The following SNIP1 variants were observed in gnomAD, a reference collection of about 807,000 sequenced individuals.
SNIP1 encodes smad nuclear-interacting protein 1.
SNIP1 carries 23 observed loss-of-function variants against 37.4 expected under a neutral mutation model. The ratio of observed to expected loss-of-function variants is 0.61; its 90% confidence interval spans 0.44 to 0.87. The LOEUF is 0.87. Among genes scored for constraint, SNIP1 ranks in the 40% least tolerant of loss-of-function variants. The pLI is 0.00. For synonymous variants in SNIP1, 174 were observed against 200.0 expected, an observed-to-expected ratio of 0.87 and a Z score of 1.10; for missense variants, 459 against 540.4, an observed-to-expected ratio of 0.85 and a Z score of 1.49.
rs527593385 is a variant in SNIP1 at position 37,546,395 on chromosome 1, C to T, written c.328-5640G>A. Among the ~76,000 whole-genome samples, 10 of 152,176 alleles carry T rather than the reference C, an allele frequency of 6.6e-5. No individual in the cohort carries two copies. The South Asian group carries it at 1.9e-3, about 28-fold the overall frequency. ...AGTCATTATAATAAGCCATAACGGCCGGGTGTGGTGGCTTATGTCTGTAAT... is the reference window on the plus strand; with the variant it reads ...AGTCATTATAATAAGCCATAACGGCTGGGTGTGGTGGCTTATGTCTGTAAT... On this transcript the variant is annotated intron_variant, in intron 2 of 3. Coordinates refer to ENST00000296215, the MANE Select transcript of SNIP1 (RefSeq NM_024700.4).
chr1:37,552,149 T>C (rs892073579), intron 2 of SNIP1, among the ~76,000 whole-genome samples: 18 of 152,228 alleles, frequency 1.2e-4, no homozygotes, highest in African/African-American at 4.3e-4. Context: ...TGATTCCATT[T>C]ACATAACATT....
chr1:37,538,047 TTCTGCC>T, intron 3 of SNIP1, 35 bp from the exon 4 acceptor site: 1 of 1,552,408 alleles, frequency 6.4e-7, no homozygotes, highest in South Asian at 1.3e-5. Flanking sequence ...GTGAGCAAAC[TTCTGCC>T]TCAGATCATC....
chr1:37,552,533 C>CAAGTAGAGATGTAGGT, intron 2 of SNIP1, 112 bp downstream of exon 2: 1 of 828,534 alleles, frequency 1.2e-6, no homozygotes, highest in Non-Finnish European at 2.0e-6. Context: ...GAGATGTAGG[C>CAAGTAGAGATGTAGGT]GAGCGTACGT....
chr1:37,552,732 C>T lies in SNIP1; in HGVS notation c.240G>A (p.Lys80=). ...ARGVSRSPPK[K]KNKASGRRSK... ...TTCTTCTCCCTGAGGCCTTGTTTTT[C>T]TTTTTGGGTGGGGACCTATTCAGAG... Residue 80 remains lysine, a synonymous_variant, in exon 2 of 4, where the codon AAG becomes AAA. Transcript: ENST00000296215. 1 of 1,614,140 alleles carries T rather than the reference C, an allele frequency of 6.2e-7. No homozygotes were observed. The highest frequency in any genetic ancestry group is 8.5e-7 in the Non-Finnish European group (1 of 1,179,986).
rs11374263 is a variant in SNIP1 at position 37,544,446 on chromosome 1, CAAAA to C, written c.328-3695_328-3692del. Among the ~76,000 whole-genome samples, 11 of 94,188 alleles carry C rather than the reference CAAAA, an allele frequency of 1.2e-4. No individual in the cohort carries two copies. The East Asian group carries it at 2.8e-3, about 24-fold the overall frequency. 61.8% of individuals were successfully genotyped at this position (94,188 alleles called of 152,430 possible). On this transcript the variant is annotated intron_variant, in intron 2 of 3. Coordinates refer to ENST00000296215, the MANE Select transcript of SNIP1 (RefSeq NM_024700.4). ...GGGTGGACAGAATGAGACTCTGTCT[CAAAA>C]AAAAAAAAAAAAAAAGAAAGAAAGA...
At chr1:37,542,632 C>A (rs1025860890) in intron 2 of SNIP1, among the ~76,000 whole-genome samples, 1 of 151,906 alleles carries the variant, frequency 6.6e-6, no homozygotes, top group African/African-American at 2.4e-5. Flanking sequence ...CCCAGCTACT[C>A]GGAAAGCTGA....
chr1:37,552,782 A>G lies in SNIP1; in HGVS notation c.225-35T>C, dbSNP rs778012320. The G allele has an allele frequency of 1.9e-6, 3 of 1,558,838 alleles. No homozygotes were observed. The African/African-American group carries it at 4.1e-5, about 21-fold the overall frequency. On this transcript the variant is annotated intron_variant, in intron 1 of 3. Coordinates refer to ENST00000296215, the MANE Select transcript of SNIP1 (RefSeq NM_024700.4). ...GCATGGTACACAGGATTTTATCGCAATTTCCCTTCCCCCATAAAAATTAGC... is the reference window on the plus strand; with the variant it reads ...GCATGGTACACAGGATTTTATCGCAGTTTCCCTTCCCCCATAAAAATTAGC...
Position 37,552,746 on chromosome 1 carries a change from AC to A in SNIP1, c.225del (p.Ser76ProfsTer32). On this transcript the variant is annotated frameshift_variant and splice_region_variant, in exon 2 of 4. Coordinates refer to ENST00000296215, the MANE Select transcript of SNIP1 (RefSeq NM_024700.4). LOFTEE classifies it high-confidence loss of function. ...HRGNRARGVSRSPPKKKNKAS... is the reference protein window; with the variant it reads ...HRGNRARGVSXSPPKKKNKAS... ...GCCTTGTTTTTCTTTTTGGGTGGGG[AC>A]CTATTCAGAGCATGGTACACAGGAT... 1 of 1,612,924 alleles carries A rather than the reference AC, an allele frequency of 6.2e-7. No individual in the cohort carries two copies. Among genetic ancestry groups the A allele is most frequent in the Non-Finnish European group, 8.5e-7 (1 of 1,179,010 alleles).
In SNIP1 at chr1:37,554,221, C is replaced by T. The variant is rs1446557709; in HGVS notation, c.9G>A (p.Ala3=). MK[A]VKSERERGSR... is the part of the protein sequence containing the mutation. ...TCCCTCGCTCCCGTTCGCTCTTCACCGCCTTCATTCTGTGATTTTGGCTGG... is the reference window on the plus strand; with the variant it reads ...TCCCTCGCTCCCGTTCGCTCTTCACTGCCTTCATTCTGTGATTTTGGCTGG... Residue 3 remains alanine, a synonymous_variant, in exon 1 of 4, where the codon GCG becomes GCA. Transcript: ENST00000296215. 1.1e-5 allele frequency: 17 copies of T among 1,597,820 alleles called. No individual in the cohort carries two copies. Among genetic ancestry groups the T allele is most frequent in the Non-Finnish European group, 1.5e-5 (17 of 1,170,478 alleles).
At chr1:37,548,350 C>T (rs142963941) in intron 2 of SNIP1, among the ~76,000 whole-genome samples, 1,654 of 151,226 alleles carry the variant, frequency 0.011, 38 homozygotes, top group African/African-American at 0.039. Flanking sequence ...CAGTCTTGCT[C>T]TGTCACCCAG....
rs1186990481 is a variant in SNIP1 at position 37,544,616 on chromosome 1, G to A, written c.328-3861C>T. On this transcript the variant is annotated intron_variant, in intron 2 of 3. Transcript: ENST00000296215. ...TTTCCTGGTTCAACAGTGCTTGGAC[G>A]GAACCAGGCACTCGTACCCCACTCC... 2.5e-5 allele frequency: 11 copies of A among 446,400 alleles called. No individual in the cohort carries two copies. The Admixed American group carries it at 2.7e-4, about 11-fold the overall frequency. The allele number at this position is 446,400 out of a possible 1,614,324, so 27.7% of individuals were successfully genotyped here. A position where few individuals can be genotyped will look rare whatever the true frequency, so the allele number is the denominator to read the frequency against.
At chr1:37,545,924 C>T (rs1177319701) in intron 2 of SNIP1, among the ~76,000 whole-genome samples, 1 of 152,028 alleles carries the variant, frequency 6.6e-6, no homozygotes, top group Non-Finnish European at 1.5e-5. Flanking sequence ...AAATCAGAAC[C>T]CTTGTACACT....
intron 3 of SNIP1, among the ~76,000 whole-genome samples, chr1:37,539,742 G>A (rs1022311351): frequency 6.6e-6 from 1 of 151,950 alleles, no homozygotes; most frequent in Non-Finnish European, 1.5e-5. Context: ...CCTTCTCACA[G>A]GATTGTTGTG....
chr1:37,538,138 A>G (rs943614689), intron 3 of SNIP1, 126 bp from the exon 4 acceptor site: 48 of 1,107,686 alleles, frequency 4.3e-5, no homozygotes, highest in South Asian at 1.1e-4. Flanking sequence ...TTCAAGTTAA[A>G]ATTCTAGGGA....
intron 2 of SNIP1, chr1:37,541,304 A>C (rs1241249769): frequency 6.6e-6 from 1 of 152,272 alleles, no homozygotes; most frequent in Non-Finnish European, 1.5e-5. Context: ...CATTAAAATA[A>C]ATGTTTTTTA....
Position 37,540,218 on chromosome 1 carries a change from T to C in SNIP1, c.865A>G (p.Ile289Val). 1 of 1,611,134 alleles carries C rather than the reference T, an allele frequency of 6.2e-7. No individual in the cohort carries two copies. The highest frequency in any genetic ancestry group is 2.2e-5 in the East Asian group (1 of 44,794). The stretch of plus-strand genomic sequence containing the variant: ...GGGTGATCAATTGGAATGTCTGCAA[T>C]GCGGCGGTGTCGACCCAGTAGGTAC... ...SAYLLGRHRR[I>V]ADIPIDHPSC... Residue 289 changes from isoleucine (I) to valine (V), a missense_variant, in exon 3 of 4, where the codon ATT becomes GTT. Physicochemically the swap from Ile to Val is conservative, Grantham distance 29. Coordinates refer to ENST00000296215, the MANE Select transcript of SNIP1 (RefSeq NM_024700.4). This position sits in a 1 kb window ranked among gnomAD's most constrained non-coding sequence, Gnocchi z 5.6.
At chr1:37,543,901 G>A (rs1184308200) in intron 2 of SNIP1, among the ~76,000 whole-genome samples, 11 of 151,628 alleles carry the variant, frequency 7.3e-5, no homozygotes, top group Admixed American at 6.6e-4. Flanking sequence ...AGCACTTTGG[G>A]AGGGCAAGGG....
intron 2 of SNIP1, among the ~76,000 whole-genome samples, chr1:37,542,053 G>A (rs937317928): frequency 9.2e-5 from 14 of 151,818 alleles, no homozygotes; most frequent in Non-Finnish European, 1.8e-4. Flanking sequence ...TCAACTTTTC[G>A]TTTAAAGGAA....
In SNIP1 at chr1:37,536,155, A is replaced by C. The variant is rs1228998035; in HGVS notation, c.*1593T>G. On this transcript the variant is annotated 3_prime_UTR_variant, in exon 4 of 4. Transcript: ENST00000296215. ...CATCTAATGACCTTATTAAGTGTTC[A>C]CTTTTCAAAGGATCTTTTAACTTCT... is the stretch of plus-strand genomic sequence containing the variant. The C allele has an allele frequency of 6.6e-6, 1 of 152,192 alleles. No homozygotes were observed. The allele number at this position is 152,192 out of a possible 1,614,324, so 9.4% of individuals were successfully genotyped here.
Sources: allele counts gnomAD v4.1 joint callset (sites outside exome capture counted in the v4.1 genomes callset), GRCh38; gene constraint gnomAD v4.1.1; non-coding constraint Gnocchi (gnomAD v3.1); transcripts MANE v1.5; gene names NCBI Gene and HGNC (gene_info 2026-07-23, HGNC 2026-07-21).